Variants in SCN11A observed in about 807,000 individuals in gnomAD.
The protein encoded by SCN11A is sodium channel protein type 11 subunit alpha.
SCN11A carries 122 observed loss-of-function variants against 162.2 expected under a neutral mutation model. The ratio of observed to expected loss-of-function variants is 0.75; its 90% CI spans 0.65 to 0.87. The LOEUF (loss-of-function observed/expected upper bound fraction) is 0.87, where lower values mean the gene tolerates loss of function less well. Among genes scored for constraint, SCN11A ranks in the 40% least tolerant of loss-of-function variants. The probability of loss-of-function intolerance (pLI) is 0.00; values close to 1 mark genes in which losing one functional copy is unlikely to be tolerated. For missense variants in SCN11A, 2,015 were observed against 2,181.6 expected, an observed-to-expected ratio of 0.92 and a Z score of 1.52; for synonymous variants, 758 against 751.5, an observed-to-expected ratio of 1.01 and a Z score of -0.14.
At chr3:38,950,011 G>A in intron 5 of SCN11A, 85 bp downstream of exon 5, 1 of 801,920 alleles carries the variant, frequency 1.2e-6, no homozygotes, top group South Asian at 1.7e-5. Flanking sequence ...CCTAAGAGTG[G>A]TGTTTGGAGA....
chr3:38,915,087 G>A (rs1559528902), intron 11 of SCN11A, among the ~76,000 whole-genome samples: 1 of 151,968 alleles, frequency 6.6e-6, no homozygotes, highest in African/African-American at 2.4e-5. Context: ...ATTCAGCTAT[G>A]GATCCATCTG....
chr3:38,911,267 C>A (rs993937819), intron 11 of SCN11A, among the ~76,000 whole-genome samples: 2 of 151,978 alleles, frequency 1.3e-5, no homozygotes, highest in African/African-American at 4.8e-5. Flanking sequence ...ATATTTATTC[C>A]ATTTTCACAA....
intron 2 of SCN11A, among the ~76,000 whole-genome samples, chr3:39,028,179 G>A (rs1278246571): frequency 1.3e-5 from 2 of 152,112 alleles, no homozygotes; most frequent in Admixed American, 6.5e-5. Context: ...CTAGATTTTG[G>A]AGGGTTACAC....
At chr3:38,877,902 T>A (rs1325113099) in intron 23 of SCN11A, among the ~76,000 whole-genome samples, 1 of 151,372 alleles carries the variant, frequency 6.6e-6, no homozygotes, top group East Asian at 1.9e-4. Flanking sequence ...AGACTATTAT[T>A]CTAAGTGAAG....
rs1418176743 is a variant in SCN11A, at chr3:38,847,350, A to C, written c.4720T>G (p.Cys1574Gly). The change falls in exon 30 of 30, where the codon TGC becomes GGC. Residue 1574 changes from cysteine to glycine, a missense_variant. Coordinates refer to ENST00000302328, the MANE Select transcript of SCN11A (RefSeq NM_001349253.2). Reference sequence around the variant, plus strand: ...GATGTGGCTATGCCAGGGAGGTGGCAGTTTTCTGAGGAAGAGTTACATGAT... The same window carrying C: ...GATGTGGCTATGCCAGGGAGGTGGCCGTTTTCTGAGGAAGAGTTACATGAT... ...KESCNSSSEN[C>G]HLPGIATSYF... 1 of 1,614,212 alleles carries C rather than the reference A, an allele frequency of 6.2e-7. No homozygotes were observed. The highest frequency in any genetic ancestry group is 1.7e-5 in the Admixed American group (1 of 60,028).
chr3:38,909,482 T>G (rs1290720827), intron 12 of SCN11A, among the ~76,000 whole-genome samples: 1 of 152,072 alleles, frequency 6.6e-6, no homozygotes. Flanking sequence ...GCAAGAGAGA[T>G]AGGGCAGTAG....
intron 16 of SCN11A, among the ~76,000 whole-genome samples, chr3:38,901,265 A>G (rs2126122004): frequency 6.6e-6 from 1 of 152,382 alleles, no homozygotes; most frequent in Middle Eastern, 3.4e-3. Flanking sequence ...AATCCAGGGT[A>G]GAAAAATAAA....
intron 16 of SCN11A, 68 bp from the exon 17 acceptor site, chr3:38,900,141 G>T: frequency 2.4e-6 from 3 of 1,239,224 alleles, no homozygotes; most frequent in Non-Finnish European, 2.3e-6. Context: ...ATGGCCCAAG[G>T]GAAGTACAGA....
At chr3:38,863,583 T>A (rs1335860211) in intron 27 of SCN11A, among the ~76,000 whole-genome samples, 1 of 152,138 alleles carries the variant, frequency 6.6e-6, no homozygotes, top group East Asian at 1.9e-4. Context: ...TACAAAAATT[T>A]GATATATTTC....
chr3:38,872,313 A>C lies in SCN11A; in HGVS notation c.3394-19T>G, dbSNP rs768575589. 7.6e-6 allele frequency: 10 copies of C among 1,321,644 alleles called. No homozygotes were observed. The South Asian group carries it at 1.2e-4, about 16-fold the overall frequency. 81.9% of individuals were successfully genotyped at this position (1,321,644 alleles called of 1,614,324 possible). On this transcript the variant is annotated intron_variant, in intron 23 of 29. Transcript: ENST00000302328. ...CAGAGACCTGATGGGAAGAGAGGCC[A>C]CAGATAATGTACCTGACTTGGTGTC...
At chr3:38,938,172 T>C (rs1488789052) in intron 7 of SCN11A, among the ~76,000 whole-genome samples, 1 of 151,910 alleles carries the variant, frequency 6.6e-6, no homozygotes, top group South Asian at 2.1e-4. Flanking sequence ...TAGGTGGGAA[T>C]TGAACAATGA....
chr3:39,011,869 C>G (rs1270795306), intron 2 of SCN11A, among the ~76,000 whole-genome samples: 1 of 151,944 alleles, frequency 6.6e-6, no homozygotes, highest in African/African-American at 2.4e-5. Context: ...ACAATTAAGT[C>G]AAAAAATTAT....
chr3:38,909,029 C>T lies in SCN11A; in HGVS notation c.1267G>A (p.Glu423Lys). 6.2e-7 allele frequency: 1 copy of T among 1,613,844 alleles called. No individual in the cohort carries two copies. Reference protein sequence around the residue: ...EIEAKEKMFQEAQQLLKEEKE... With the variant: ...EIEAKEKMFQKAQQLLKEEKE... ...TCCTCCTTTAACAGCTGCTGGGCTT[C>T]CTGAAACATCTTTTCCTTGGCCTCT... The change falls in exon 13 of 30, where the codon GAA becomes AAA. Residue 423 changes from glutamate to lysine, a missense_variant. Glu to Lys is a moderately conservative substitution (Grantham distance 56). Transcript: ENST00000302328.
chr3:38,995,473 G>A (rs1301788844), intron 2 of SCN11A, among the ~76,000 whole-genome samples: 5 of 152,180 alleles, frequency 3.3e-5, no homozygotes, highest in Admixed American at 6.5e-5. Context: ...TGAAATTAGT[G>A]TTTGAATTGT....
At position 38,897,085 on chromosome 3, in the gene SCN11A, C is replaced by CTGCA. The variant is rs1380972219; in HGVS notation, c.2159_2162dup (p.Gln721HisfsTer7). On this transcript the variant is annotated frameshift_variant, in exon 18 of 30. Transcript: ENST00000302328. LOFTEE classifies it high-confidence loss of function. ...GGGAATTGAAGCTACGGCCAAAAAGCTGCATGCCAACTACTGAGAAAATAA... is the reference window on the plus strand; with the variant it reads ...GGGAATTGAAGCTACGGCCAAAAAGCTGCATGCATGCCAACTACTGAGAAAATAA... 7 of 1,614,006 alleles carry CTGCA rather than the reference C, an allele frequency of 4.3e-6. No individual in the cohort carries two copies. Among genetic ancestry groups the CTGCA allele is most frequent in the Non-Finnish European group, 5.9e-6 (7 of 1,180,036 alleles).
intron 11 of SCN11A, among the ~76,000 whole-genome samples, chr3:38,912,895 T>C (rs1364255018): frequency 1.3e-5 from 2 of 152,204 alleles, no homozygotes; most frequent in East Asian, 3.8e-4. Flanking sequence ...GGCATTCAGG[T>C]TGCTTCCATG....
chr3:38,924,384 T>C (rs2066103509), intron 9 of SCN11A, among the ~76,000 whole-genome samples: 1 of 151,912 alleles, frequency 6.6e-6, no homozygotes. Context: ...ACTAATTTTT[T>C]TTTTTTCTGA....
intron 2 of SCN11A, among the ~76,000 whole-genome samples, chr3:38,996,002 C>A (rs1427834775): frequency 6.6e-6 from 1 of 152,094 alleles, no homozygotes; most frequent in African/African-American, 2.4e-5. Flanking sequence ...TGAAGAGACA[C>A]CAGAGCATGA....
At chr3:38,852,786 CA>C (rs1281721709) in intron 28 of SCN11A, among the ~76,000 whole-genome samples, 1 of 152,174 alleles carries the variant, frequency 6.6e-6, no homozygotes, top group Non-Finnish European at 1.5e-5. Flanking sequence ...AGTTGTGGGT[CA>C]ATGGCTAACT....
Sources: gnomAD v4.1 joint callset for allele counts (sites outside exome capture counted in the v4.1 genomes callset) on GRCh38, gnomAD v4.1.1 for gene constraint, MANE v1.5 for transcripts, NCBI Gene and HGNC (gene_info 2026-07-23, HGNC 2026-07-21) for gene names.